Variants in RHOA observed in about 807,000 individuals in gnomAD.
RHOA encodes the protein ras homolog family member A.
A neutral mutation model predicts 17.5 loss-of-function variants in RHOA; 3 were observed. The ratio of observed to expected loss-of-function variants is 0.17; its 90% CI spans 0.08 to 0.44. The LOEUF is 0.44. RHOA is among the 20% of genes least tolerant of loss of function. The probability of loss-of-function intolerance (pLI) is 0.99; values close to 1 mark genes in which losing one functional copy is unlikely to be tolerated. For synonymous variants in RHOA, 98 were observed against 88.4 expected, an observed-to-expected ratio of 1.11 and a Z score of -0.61; for missense variants, 56 against 242.3, an observed-to-expected ratio of 0.23 and a Z score of 5.10.
rs10530558 is a variant in RHOA at position 49,399,054 on chromosome 3, CAAAAAAAAAAAAAAAAA to C, written c.-3+12749_-3+12765del. Among the ~76,000 whole-genome samples the C allele has an allele frequency of 0.011, 268 of 24,848 alleles. 6 individuals are homozygous for C. The South Asian group carries it at 0.17, about 16-fold the overall frequency. The allele number at this position is 24,848 out of a possible 152,430, so 16.3% of individuals were successfully genotyped here. On this transcript the variant is annotated intron_variant, in intron 1 of 4. Coordinates refer to ENST00000418115, the MANE Select transcript of RHOA (RefSeq NM_001664.4). ...TGCGTGACAGAGCAAGACTCCGTCT[CAAAAAAAAAAAAAAAAA>C]AAAAAAAAAAAAAAAAGGCTGGGCA...
At chr3:49,364,934 C>T (rs780529596) in intron 3 of RHOA, among the ~76,000 whole-genome samples, 3 of 152,052 alleles carry the variant, frequency 2.0e-5, no homozygotes, top group Non-Finnish European at 4.4e-5. Context: ...CGCACCATTG[C>T]ACTCCAGCCT....
rs554196708 is a variant in RHOA at position 49,394,398 on chromosome 3, T to C, written c.-3+17422A>G. ...TAGAGTCTCTCTCTGTTGCCCAGGC[T>C]GAAGTGCAGTGGCATGATCTTGGCT... On this transcript the variant is annotated intron_variant, in intron 1 of 4. Transcript: ENST00000418115. Among the ~76,000 whole-genome samples, 13 of 152,222 alleles carry C rather than the reference T, an allele frequency of 8.5e-5. No individual in the cohort carries two copies. In the Middle Eastern group the frequency reaches 0.017, roughly 199 times the overall value.
At chr3:49,410,092 C>T (rs1389142325) in intron 1 of RHOA, among the ~76,000 whole-genome samples, 1 of 152,134 alleles carries the variant, frequency 6.6e-6, no homozygotes, top group African/African-American at 2.4e-5. Context: ...AATTTTTTGG[C>T]AAATGAACAG....
chr3:49,399,197 G>A (rs1004167640), intron 1 of RHOA, among the ~76,000 whole-genome samples: 1 of 150,872 alleles, frequency 6.6e-6, no homozygotes, highest in African/African-American at 2.4e-5. Context: ...GTGAAACCCC[G>A]TCTCTACTAA....
chr3:49,383,827 C>T (rs752802123), intron 1 of RHOA, among the ~76,000 whole-genome samples: 6 of 152,006 alleles, frequency 3.9e-5, no homozygotes, highest in Admixed American at 6.6e-5. Flanking sequence ...GTCAGGAGTT[C>T]GAGACCAGCC....
At chr3:49,398,179 G>C (rs1053224098) in intron 1 of RHOA, among the ~76,000 whole-genome samples, 2 of 150,234 alleles carry the variant, frequency 1.3e-5, no homozygotes, top group African/African-American at 4.9e-5. Context: ...CGGCCAACAC[G>C]GTGAAACCCC....
chr3:49,382,224 C>A (rs1273470593), intron 1 of RHOA, among the ~76,000 whole-genome samples: 2 of 151,578 alleles, frequency 1.3e-5, no homozygotes, highest in African/African-American at 2.4e-5. Context: ...GAGGCTGAGG[C>A]ATGAGAATGG....
intron 1 of RHOA, among the ~76,000 whole-genome samples, chr3:49,387,609 G>T (rs1196161241): frequency 6.6e-6 from 1 of 151,886 alleles, no homozygotes; most frequent in Non-Finnish European, 1.5e-5. Context: ...GCCAGGCGTG[G>T]TGGCGGGCAC....
At chr3:49,387,901 C>T (rs1175101765) in intron 1 of RHOA, among the ~76,000 whole-genome samples, 1 of 152,030 alleles carries the variant, frequency 6.6e-6, no homozygotes, top group Non-Finnish European at 1.5e-5. Context: ...CTGAAATCAT[C>T]AACTCTTGGT....
At chr3:49,385,771 G>GT (rs1487731290) in intron 1 of RHOA, among the ~76,000 whole-genome samples, 1 of 152,094 alleles carries the variant, frequency 6.6e-6, no homozygotes, top group African/African-American at 2.4e-5. Context: ...ATGATATGAG[G>GT]TAAGGGGTCC....
rs114338085 is a variant in RHOA, at chr3:49,363,620, G to A, written c.278-994C>T. 6.1e-3 allele frequency among the ~76,000 whole-genome samples: 922 copies of A among 152,114 alleles called. 5 individuals carry two copies. Among genetic ancestry groups the A allele is most frequent in the Non-Finnish European group, 9.9e-3 (675 of 68,002 alleles). ...TAATCCCAGCACTTTGGGAGGCTTAGGTGGGTGGATCACCAGAGGTCAGGA... is the reference window on the plus strand; with the variant it reads ...TAATCCCAGCACTTTGGGAGGCTTAAGTGGGTGGATCACCAGAGGTCAGGA... On this transcript the variant is annotated intron_variant, in intron 3 of 4. Coordinates refer to ENST00000418115, the MANE Select transcript of RHOA (RefSeq NM_001664.4).
chr3:49,387,448 G>GAAA (rs371706211), intron 1 of RHOA, among the ~76,000 whole-genome samples: 4 of 128,696 alleles, frequency 3.1e-5, no homozygotes, highest in Non-Finnish European at 3.2e-5. Context: ...CATCTCGGGG[G>GAAA]AAAAAAAAAA....
chr3:49,394,369 GAGAT>G (rs2048576899), intron 1 of RHOA, among the ~76,000 whole-genome samples: 1 of 150,910 alleles, frequency 6.6e-6, no homozygotes, highest in African/African-American at 2.4e-5. Flanking sequence ...TTGTTTTTCT[GAGAT>G]AGAGTCTCTC....
At chr3:49,402,951 C>T (rs1337168717) in intron 1 of RHOA, among the ~76,000 whole-genome samples, 2 of 151,458 alleles carry the variant, frequency 1.3e-5, no homozygotes, top group East Asian at 1.9e-4. Flanking sequence ...GCAGAAGAAT[C>T]GCTTGAACCC....
chr3:49,401,242 T>C (rs2048719973), intron 1 of RHOA, among the ~76,000 whole-genome samples: 1 of 151,906 alleles, frequency 6.6e-6, no homozygotes, highest in Admixed American at 6.6e-5. Context: ...GTAAAACTCC[T>C]GACCAGGTGT....
intron 1 of RHOA, among the ~76,000 whole-genome samples, chr3:49,380,658 G>C (rs1201731800): frequency 6.8e-6 from 1 of 146,794 alleles, no homozygotes; most frequent in Non-Finnish European, 1.5e-5. Context: ...CTGGGTGACA[G>C]AGACTCTTGT....
intron 4 of RHOA, among the ~76,000 whole-genome samples, chr3:49,361,745 G>C (rs1022313125): frequency 6.6e-6 from 1 of 152,172 alleles, no homozygotes; most frequent in Non-Finnish European, 1.5e-5. Flanking sequence ...GCCAGGCGTG[G>C]TGGCACATGC....
At chr3:49,395,261 AAAG>A (rs938103387) in intron 1 of RHOA, among the ~76,000 whole-genome samples, 16 of 151,958 alleles carry the variant, frequency 1.1e-4, no homozygotes, top group South Asian at 4.2e-4. Context: ...AAAAAAAAAA[AAAG>A]AATTCAGAAA....
chr3:49,371,110 C>T (rs967151028), intron 2 of RHOA, among the ~76,000 whole-genome samples: 2 of 152,116 alleles, frequency 1.3e-5, no homozygotes, highest in African/African-American at 4.8e-5. Flanking sequence ...CCCCCTCCAC[C>T]CCACGGTGTT....
Sources: allele counts gnomAD v4.1 joint callset (sites outside exome capture counted in the v4.1 genomes callset), GRCh38; gene constraint gnomAD v4.1.1; transcripts MANE v1.5; gene names NCBI Gene and HGNC (gene_info 2026-07-23, HGNC 2026-07-21).